The following MAGEL2 variants were observed in gnomAD, a reference collection of about 807,000 sequenced individuals.
The protein encoded by MAGEL2 is MAGE family member L2, also known as MAGE-like protein 2.
For missense variants in MAGEL2, 1,830 were observed against 1,699.2 expected (o/e 1.08, Z -1.35); for synonymous variants, 792 against 721.7 (o/e 1.10, Z -1.56).
In MAGEL2 at chr15:23,646,706, C is replaced by A; in HGVS notation, c.1037G>T (p.Arg346Met). 1 of 1,530,438 alleles carries A rather than the reference C, an allele frequency of 6.5e-7. No homozygotes were observed. Among genetic ancestry groups the A allele is most frequent in the Non-Finnish European group, 8.7e-7 (1 of 1,143,490 alleles). The allele number at this position is 1,530,438 out of a possible 1,614,324, so 94.8% of individuals were successfully genotyped here. ...GCCCTGGGGAACCTGCGGAGGAGCCCTTATAACTTGAGACTGGATTTGCAG... is the reference window on the plus strand; with the variant it reads ...GCCCTGGGGAACCTGCGGAGGAGCCATTATAACTTGAGACTGGATTTGCAG... ...LILQIQSQVIRAPPQVPQGPQ... is the reference protein window; with the variant it reads ...LILQIQSQVIMAPPQVPQGPQ... The change falls in exon 1 of 1, where the codon AGG (arginine) becomes ATG (methionine). Residue 346 changes from arginine to methionine, a missense_variant. By Grantham distance (91) the Arg-to-Met change is moderately conservative. Coordinates refer to ENST00000650528, the MANE Select transcript of MAGEL2 (RefSeq NM_019066.5). This position sits in a 1 kb window ranked among gnomAD's most constrained non-coding sequence, Gnocchi z 4.2.
In MAGEL2 at chr15:23,646,809, C is replaced by T. The variant is rs1020091499; in HGVS notation, c.934G>A (p.Ala312Thr). 2.6e-6 allele frequency: 4 copies of T among 1,535,772 alleles called. No homozygotes were observed. Among genetic ancestry groups the T allele is most frequent in the African/African-American group, 2.7e-5 (2 of 73,012 alleles). ...GCCATCGGCTGTGCAGGTGGGGCCG[C>T]CGGCTGTGCCATCGGTGCTCCTGAA... is the stretch of plus-strand genomic sequence containing the variant. Reference protein sequence around the residue: ...PASGAPMAQPAAPPAQPMAPP... With the variant: ...PASGAPMAQPTAPPAQPMAPP... The change falls in exon 1 of 1, where the codon GCG (alanine) becomes ACG (threonine). Residue 312 changes from alanine (A) to threonine (T), a missense_variant. Coordinates refer to ENST00000650528, the MANE Select transcript of MAGEL2 (RefSeq NM_019066.5). The surrounding 1 kb of genome is among the most constrained non-coding windows in gnomAD (Gnocchi z 4.2).
Position 23,647,532 on chromosome 15 carries a change from G to GGCT in MAGEL2, c.210_211insAGC (p.Gly70_Gln71insSer). Reference sequence around the variant, plus strand: ...ATCGGAACCACCGGGGCGGGCAGCTGGCCCTGTGGGGCCTCCCAGGCAGGC... The same window carrying GGCT: ...ATCGGAACCACCGGGGCGGGCAGCTGGCTGCCCTGTGGGGCCTCCCAGGCAGGC... On this transcript the variant is annotated inframe_insertion, in exon 1 of 1. Coordinates refer to ENST00000650528, the MANE Select transcript of MAGEL2 (RefSeq NM_019066.5). The GGCT allele has an allele frequency of 6.5e-7, 1 of 1,532,172 alleles. No individual in the cohort carries two copies. The highest frequency in any genetic ancestry group is 8.7e-7 in the Non-Finnish European group (1 of 1,145,228). The allele number at this position is 1,532,172 out of a possible 1,614,324, so 94.9% of individuals were successfully genotyped here.
Position 23,647,573 on chromosome 15 carries a change from G to A in MAGEL2, c.170C>T (p.Ala57Val), listed in dbSNP as rs749836869. 5.2e-6 allele frequency: 8 copies of A among 1,535,862 alleles called. No homozygotes were observed. The highest frequency in any genetic ancestry group is 1.4e-5 in the African/African-American group (1 of 73,144). ...CCAGGCAGGCTGAGGTGCCTGCCAAGCGGCCAATGAAGCCTGCAAGTCAAT... is the reference window on the plus strand; with the variant it reads ...CCAGGCAGGCTGAGGTGCCTGCCAAACGGCCAATGAAGCCTGCAAGTCAAT... ...PPIDLQASLA[A>V]WQAPQPAWEA... The change falls in exon 1 of 1, where the codon GCT becomes GTT. Residue 57 changes from alanine (A) to valine (V), a missense_variant. Physicochemically the swap from Ala to Val is moderately conservative, Grantham distance 64. Transcript: ENST00000650528.
rs794726941 is a variant in MAGEL2, at chr15:23,646,357, GGGGGCCTGGCGGATCACGGGT to G, written c.1365_1385del (p.Pro456_Pro462del). 2,003 of 1,367,876 alleles carry G rather than the reference GGGGGCCTGGCGGATCACGGGT, an allele frequency of 1.5e-3. 23 individuals are homozygous for G. The highest frequency in any genetic ancestry group is 0.014 in the South Asian group (785 of 57,168). The allele number at this position is 1,367,876 out of a possible 1,614,324, so 84.7% of individuals were successfully genotyped here. On this transcript the variant is annotated inframe_deletion, in exon 1 of 1. Coordinates refer to ENST00000650528, the MANE Select transcript of MAGEL2 (RefSeq NM_019066.5). The surrounding 1 kb of genome is among the most constrained non-coding windows in gnomAD (Gnocchi z 4.2). ...CAGGTGGGGCCTGGCGGATCACAGC[GGGGGCCTGGCGGATCACGGGT>G]GGGGCCTGGCGGATCACGGGTGGGG... is the stretch of plus-strand genomic sequence containing the variant.
chr15:23,644,862 G>A lies in MAGEL2; in HGVS notation c.2881C>T (p.Pro961Ser), dbSNP rs752153357. 10 of 1,612,122 alleles carry A rather than the reference G, an allele frequency of 6.2e-6. No individual in the cohort carries two copies. The highest frequency in any genetic ancestry group is 7.6e-6 in the Non-Finnish European group (9 of 1,179,810). ...GCACTCAGGGCCCAGGATGCGCTGGGCCCTTCCCAGCCACTCAGGATCCTG... is the reference window on the plus strand; with the variant it reads ...GCACTCAGGGCCCAGGATGCGCTGGACCCTTCCCAGCCACTCAGGATCCTG... ...TSRILSGWEG[P>S]SASWALSAWE... The change falls in exon 1 of 1, where the codon CCC becomes TCC. Residue 961 changes from proline to serine, a missense_variant. By Grantham distance (74) the Pro-to-Ser change is moderately conservative. Coordinates refer to ENST00000650528, the MANE Select transcript of MAGEL2 (RefSeq NM_019066.5).
chr15:23,647,308 C>T lies in MAGEL2; in HGVS notation c.435G>A (p.Pro145=), dbSNP rs980866447. 12 of 1,535,752 alleles carry T rather than the reference C, an allele frequency of 7.8e-6. No homozygotes were observed. Among genetic ancestry groups the T allele is most frequent in the South Asian group, 3.6e-5 (3 of 83,950 alleles). ...GGGGAGGGTGGGACATTGGGGTCCC[C>T]GGAGGAGGAGGATGGGCCATGGGAG... ...PGAPMAHPPP[P]GTPMSHPPPP... The change falls in exon 1 of 1, where the codon CCG becomes CCA. Residue 145 remains proline (P), a synonymous_variant. Transcript: ENST00000650528.
In MAGEL2 at chr15:23,645,513, CCCTGCGCTCCTTCGAGGAGGT is replaced by C; in HGVS notation, c.2209_2229del (p.Thr737_Arg743del). On this transcript the variant is annotated inframe_deletion, in exon 1 of 1. Transcript: ENST00000650528. ...AAGATCATGCGGTCTTTTGAAGGGGCCCTGCGCTCCTTCGAGGAGGTCCTGCGCTCTTTAGAGGAGCCCCTG... is the reference window on the plus strand; with the variant it reads ...AAGATCATGCGGTCTTTTGAAGGGGCCCTGCGCTCTTTAGAGGAGCCCCTG... 5.6e-6 allele frequency: 9 copies of C among 1,613,890 alleles called. No individual in the cohort carries two copies. The highest frequency in any genetic ancestry group is 7.6e-6 in the Non-Finnish European group (9 of 1,179,870).
At position 23,646,118 on chromosome 15, in the gene MAGEL2, A is replaced by C. The variant is rs1890396560; in HGVS notation, c.1625T>G (p.Val542Gly). 3.6e-6 allele frequency: 5 copies of C among 1,377,866 alleles called. No homozygotes were observed. The highest frequency in any genetic ancestry group is 4.7e-6 in the Non-Finnish European group (5 of 1,075,018). The allele number at this position is 1,377,866 out of a possible 1,614,324, so 85.4% of individuals were successfully genotyped here. ...PAPQVQAAPQ[V>G]PTAPPATQVP... ...CTGCGTAGCAGGTGGGGCCGTAGGC[A>C]CCTGCGGCGCCGCCTGCACCTGCGG... Residue 542 changes from valine to glycine, a missense_variant, in exon 1 of 1, where the codon GTG becomes GGG. By Grantham distance (109) the Val-to-Gly change is moderately radical. Coordinates refer to ENST00000650528, the MANE Select transcript of MAGEL2 (RefSeq NM_019066.5). The surrounding 1 kb of genome is among the most constrained non-coding windows in gnomAD (Gnocchi z 4.2).
Position 23,647,072 on chromosome 15 carries a change from G to A in MAGEL2, c.671C>T (p.Pro224Leu), listed in dbSNP as rs751043790. 2.0e-6 allele frequency: 3 copies of A among 1,535,486 alleles called. No individual in the cohort carries two copies. Among genetic ancestry groups the A allele is most frequent in the South Asian group, 2.4e-5 (2 of 83,762 alleles). ...PPGTPMAHPP[P>L]PGTPMAQPPA... Reference sequence around the variant, plus strand: ...AGGCTGGGCCATCGGTGTACCCGGAGGGGGAGGATGAGCCATCGGTGTCCC... The same window carrying A: ...AGGCTGGGCCATCGGTGTACCCGGAAGGGGAGGATGAGCCATCGGTGTCCC... Residue 224 changes from proline (P) to leucine (L), a missense_variant, in exon 1 of 1, where the codon CCT (proline) becomes CTT (leucine). Coordinates refer to ENST00000650528, the MANE Select transcript of MAGEL2 (RefSeq NM_019066.5).
chr15:23,646,576 C>A lies in MAGEL2; in HGVS notation c.1167G>T (p.Trp389Cys). 6.8e-7 allele frequency: 1 copy of A among 1,474,506 alleles called. No individual in the cohort carries two copies. Among genetic ancestry groups the A allele is most frequent in the Non-Finnish European group, 8.9e-7 (1 of 1,118,758 alleles). The allele number at this position is 1,474,506 out of a possible 1,614,324, so 91.3% of individuals were successfully genotyped here. The change falls in exon 1 of 1, where the codon TGG becomes TGT. Residue 389 changes from tryptophan (W) to cysteine (C), a missense_variant. Physicochemically the swap from Trp to Cys is radical, Grantham distance 215 (BLOSUM62 -2). Transcript: ENST00000650528. This position sits in a 1 kb window ranked among gnomAD's most constrained non-coding sequence, Gnocchi z 4.2. ...QQGWQATPLTWQTTQVTWQAP... is the reference protein window; with the variant it reads ...QQGWQATPLTCQTTQVTWQAP... ...CCTGCCAGGTGACCTGCGTGGTCTG[C>A]CAAGTCAGGGGAGTGGCCTGCCAGC...
rs2140715229 is a variant in MAGEL2, at chr15:23,646,039, G to T, written c.1704C>A (p.Ala568=). The T allele has an allele frequency of 6.5e-7, 1 of 1,538,934 alleles. No homozygotes were observed. The change falls in exon 1 of 1, where the codon GCC becomes GCA. Residue 568 remains alanine, a synonymous_variant. Coordinates refer to ENST00000650528, the MANE Select transcript of MAGEL2 (RefSeq NM_019066.5). The surrounding 1 kb of genome is among the most constrained non-coding windows in gnomAD (Gnocchi z 4.2). ...GPQVPQPVLP[A]PLSAPLSAPQ... is the part of the protein sequence containing the mutation. ...GGGCAGACAGTGGGGCAGACAGCGG[G>T]GCCGGCAGCACAGGCTGGGGCACCT...
Position 23,645,348 on chromosome 15 carries a change from C to A in MAGEL2, c.2395G>T (p.Ala799Ser). The change falls in exon 1 of 1, where the codon GCC becomes TCC. Residue 799 changes from alanine to serine, a missense_variant. Coordinates refer to ENST00000650528, the MANE Select transcript of MAGEL2 (RefSeq NM_019066.5). ...VFPATSQFQP[A>S]SLNAFKGPSA... ...GGGCCTTTAAAGGCATTCAGAGAGG[C>A]AGGCTGAAACTGGGAGGTAGCTGGG... The A allele has an allele frequency of 6.2e-7, 1 of 1,613,988 alleles. No homozygotes were observed.
Position 23,645,820 on chromosome 15 carries a change from G to C in MAGEL2, c.1923C>G (p.Pro641=). Residue 641 remains proline, a synonymous_variant, in exon 1 of 1, where the codon CCC becomes CCG. Coordinates refer to ENST00000650528, the MANE Select transcript of MAGEL2 (RefSeq NM_019066.5). The part of the protein sequence containing the change: ...PAQEAQRQAP[P]LVQLEQPFQG... ...GAAAGGGCTGCTCCAGCTGGACCAA[G>C]GGGGGAGCCTGCCTCTGGGCCTCCT... 1 of 1,587,938 alleles carries C rather than the reference G, an allele frequency of 6.3e-7. No individual in the cohort carries two copies. The highest frequency in any genetic ancestry group is 2.3e-5 in the East Asian group (1 of 43,698).
chr15:23,646,779 G>A lies in MAGEL2; in HGVS notation c.964C>T (p.Pro322Ser), dbSNP rs1890416769. 1.3e-6 allele frequency: 2 copies of A among 1,533,776 alleles called. No homozygotes were observed. Among genetic ancestry groups the A allele is most frequent in the Non-Finnish European group, 1.7e-6 (2 of 1,146,366 alleles). The change falls in exon 1 of 1, where the codon CCT becomes TCT. Residue 322 changes from proline to serine, a missense_variant. Physicochemically the swap from Pro to Ser is moderately conservative, Grantham distance 74. Transcript: ENST00000650528. This position sits in a 1 kb window ranked among gnomAD's most constrained non-coding sequence, Gnocchi z 4.2. Reference protein sequence around the residue: ...AAPPAQPMAPPAQPMASWAPQ... With the variant: ...AAPPAQPMAPSAQPMASWAPQ... ...GCCCAAGAAGCCATCGGCTGTGCAG[G>A]TGGGGCCATCGGCTGTGCAGGTGGG...
Position 23,646,761 on chromosome 15 carries a change from A to T in MAGEL2, c.982T>A (p.Ser328Thr). ...AGAGGCTGAGCCTGCGGGGCCCAAGAAGCCATCGGCTGTGCAGGTGGGGCC... is the reference window on the plus strand; with the variant it reads ...AGAGGCTGAGCCTGCGGGGCCCAAGTAGCCATCGGCTGTGCAGGTGGGGCC... ...PMAPPAQPMA[S>T]WAPQAQPLIL... The change falls in exon 1 of 1, where the codon TCT becomes ACT. Residue 328 changes from serine (S) to threonine (T), a missense_variant. Physicochemically the swap from Ser to Thr is moderately conservative, Grantham distance 58. Transcript: ENST00000650528. The surrounding 1 kb of genome is among the most constrained non-coding windows in gnomAD (Gnocchi z 4.2). 1 of 1,534,518 alleles carries T rather than the reference A, an allele frequency of 6.5e-7. No individual in the cohort carries two copies. Among genetic ancestry groups the T allele is most frequent in the Non-Finnish European group, 8.7e-7 (1 of 1,146,114 alleles).
Position 23,647,857 on chromosome 15 carries a change from G to C in MAGEL2, c.-115C>G. 9.0e-7 allele frequency: 1 copy of C among 1,114,090 alleles called. No homozygotes were observed. 69.0% of individuals were successfully genotyped at this position (1,114,090 alleles called of 1,614,324 possible). ...AGAGGCTCCCTCCCTGCTGAATGCT[G>C]AATAGGAAGTGAGTGCTGCTCGCTC... On this transcript the variant is annotated 5_prime_UTR_variant, in exon 1 of 1. Transcript: ENST00000650528.
In MAGEL2 at chr15:23,645,413, G is replaced by C; in HGVS notation, c.2330C>G (p.Pro777Arg). Residue 777 changes from proline to arginine, a missense_variant, in exon 1 of 1, where the codon CCT becomes CGT. By Grantham distance (103) the Pro-to-Arg change is moderately radical. Coordinates refer to ENST00000650528, the MANE Select transcript of MAGEL2 (RefSeq NM_019066.5). ...AHLPAAWKNL[P>R]ATPETFAPSS... Reference sequence around the variant, plus strand: ...GGGAGCAAAGGTCTCCGGTGTGGCAGGCAGGTTTTTCCAGGCAGCTGGCAG... The same window carrying C: ...GGGAGCAAAGGTCTCCGGTGTGGCACGCAGGTTTTTCCAGGCAGCTGGCAG... 1 of 1,614,034 alleles carries C rather than the reference G, an allele frequency of 6.2e-7. No homozygotes were observed.
rs779843667 is a variant in MAGEL2 at position 23,644,041 on chromosome 15, G to GTCA, written c.3699_3701dup (p.Asp1234dup). Reference sequence around the variant, plus strand: ...TGGGGCCGTGGGCACTGTCACCGGTGTCAGGTTCATCCTCATCTGTGTCTT... The same window carrying GTCA: ...TGGGGCCGTGGGCACTGTCACCGGTGTCATCAGGTTCATCCTCATCTGTGTCTT... On this transcript the variant is annotated inframe_insertion, in exon 1 of 1. Transcript: ENST00000650528. The GTCA allele has an allele frequency of 2.4e-5, 39 of 1,612,062 alleles. No individual in the cohort carries two copies. The highest frequency in any genetic ancestry group is 3.2e-5 in the Non-Finnish European group (38 of 1,178,792).
Position 23,647,611 on chromosome 15 carries a change from C to T in MAGEL2, c.132G>A (p.Trp44Ter), listed in dbSNP as rs1274043139. The T allele has an allele frequency of 1.3e-6, 2 of 1,536,778 alleles. No homozygotes were observed. Among genetic ancestry groups the T allele is most frequent in the Admixed American group, 3.9e-5 (2 of 50,960 alleles). Residue 44 changes from tryptophan to a stop codon, truncating the protein, a stop_gained, in exon 1 of 1, where the codon TGG (tryptophan) becomes TGA (stop). Coordinates refer to ENST00000650528, the MANE Select transcript of MAGEL2 (RefSeq NM_019066.5). LOFTEE classifies it low-confidence loss of function (END_TRUNC). ...CCTGCAAGTCAATTGGAGGTGGATC[C>T]CAAGGGACTGGCGGAGCCCGGGAGG... ...PASSRAPPVP[W>*]DPPPIDLQAS...
Sources: allele counts gnomAD v4.1 joint callset, GRCh38; gene constraint gnomAD v4.1.1; non-coding constraint Gnocchi (gnomAD v3.1); transcripts MANE v1.5; gene names NCBI Gene and HGNC (gene_info 2026-07-23, HGNC 2026-07-21).